Variants in PRTG observed in about 807,000 individuals in gnomAD.
The protein encoded by PRTG is protogenin.
A neutral mutation model predicts 122.5 loss-of-function variants in PRTG; 67 were observed. That is an observed-to-expected ratio of 0.55 (90% CI 0.45 to 0.67). PRTG has a LOEUF of 0.67. Ranked by LOEUF, PRTG falls within the 30% of genes least tolerant of loss-of-function variation. The probability of loss-of-function intolerance (pLI) is 0.00; values close to 1 mark genes in which losing one functional copy is unlikely to be tolerated. For synonymous variants in PRTG, 554 were observed against 501.1 expected, an observed-to-expected ratio of 1.11 and a Z score of -1.41; for missense variants, 1,435 against 1,415.4, an observed-to-expected ratio of 1.01 and a Z score of -0.22.
At position 55,616,797 on chromosome 15, in the gene PRTG, T is replaced by C. The variant is rs939496810; in HGVS notation, c.*3215A>G. ...AATATAATTGTATTGCTTTTAATTA[T>C]GTAAACTTAGCCCTTTGATATTTTT... On this transcript the variant is annotated 3_prime_UTR_variant, in exon 20 of 20. Coordinates refer to ENST00000389286, the MANE Select transcript of PRTG (RefSeq NM_173814.6). 1 of 152,166 alleles carries C rather than the reference T, an allele frequency of 6.6e-6. No individual in the cohort carries two copies. The highest frequency in any genetic ancestry group is 1.5e-5 in the Non-Finnish European group (1 of 67,984). 9.4% of individuals were successfully genotyped at this position (152,166 alleles called of 1,614,324 possible). A position where few individuals can be genotyped will look rare whatever the true frequency, so the allele number is the denominator to read the frequency against.
chr15:55,638,496 C>G, intron 14 of PRTG, 53 bp downstream of exon 14: 1 of 1,419,004 alleles, frequency 7.0e-7, no homozygotes, highest in Non-Finnish European at 9.6e-7. Context: ...ATTTTTAAAA[C>G]ATTTCCTTAA....
In PRTG at chr15:55,615,481, A is replaced by G. The variant is rs1047999130; in HGVS notation, c.*4531T>C. On this transcript the variant is annotated 3_prime_UTR_variant, in exon 20 of 20. Coordinates refer to ENST00000389286, the MANE Select transcript of PRTG (RefSeq NM_173814.6). ...GCCTGTGATCTTATGTCCTGAGCAT[A>G]AATCAACTTAACACAGAACTCTACG... 2 of 152,164 alleles carry G rather than the reference A, an allele frequency of 1.3e-5. No individual in the cohort carries two copies. Among genetic ancestry groups the G allele is most frequent in the African/African-American group, 4.8e-5 (2 of 41,464 alleles). 9.4% of individuals were successfully genotyped at this position (152,164 alleles called of 1,614,324 possible). A position where few individuals can be genotyped will look rare whatever the true frequency, so the allele number is the denominator to read the frequency against.
In PRTG at chr15:55,637,327, T is replaced by C. The variant is rs1216475015; in HGVS notation, c.2466A>G (p.Pro822=). The change falls in exon 15 of 20, where the codon CCA becomes CCG. Residue 822 remains proline (P), a synonymous_variant. Transcript: ENST00000389286. ...HSTLPEAPAG[P]PVGVKVTLIE... Reference sequence around the variant, plus strand: ...TTAATGTCACTTTTACTCCAACTGGTGGGCCTGCTGGTGCTGTGCAGACAC... The same window carrying C: ...TTAATGTCACTTTTACTCCAACTGGCGGGCCTGCTGGTGCTGTGCAGACAC... 6.2e-7 allele frequency: 1 copy of C among 1,612,098 alleles called. No homozygotes were observed. Among genetic ancestry groups the C allele is most frequent in the Non-Finnish European group, 8.5e-7 (1 of 1,179,362 alleles).
Position 55,740,527 on chromosome 15 carries a change from C to G in PRTG, c.252G>C (p.Arg84=), listed in dbSNP as rs2031576149. ...AAGAGCCGTTAGAAAGAACCTCGAT[C>G]CGTTTATTTTCAGACATTTTTGCTC... The part of the protein sequence containing the change: ...KNGAKMSENK[R]IEVLSNGSLY... The change falls in exon 2 of 20, where the codon CGG becomes CGC. Residue 84 remains arginine (R), a synonymous_variant. Coordinates refer to ENST00000389286, the MANE Select transcript of PRTG (RefSeq NM_173814.6). 3 of 1,614,172 alleles carry G rather than the reference C, an allele frequency of 1.9e-6. No homozygotes were observed. The East Asian group carries it at 6.7e-5, about 36-fold the overall frequency.
In PRTG at chr15:55,645,433, C is replaced by CAAAAAAAAAAAAAAAAAAAA. The variant is rs374791424; in HGVS notation, c.2042-4226_2042-4225insTTTTTTTTTTTTTTTTTTTT. Among the ~76,000 whole-genome samples, 155 of 18,750 alleles carry CAAAAAAAAAAAAAAAAAAAA rather than the reference C, an allele frequency of 8.3e-3. 7 individuals are homozygous for CAAAAAAAAAAAAAAAAAAAA. The highest frequency in any genetic ancestry group is 0.016 in the East Asian group (2 of 124). 12.3% of individuals were successfully genotyped at this position (18,750 alleles called of 152,430 possible). A position where few individuals can be genotyped will look rare whatever the true frequency, so the allele number is the denominator to read the frequency against. On this transcript the variant is annotated intron_variant, in intron 11 of 19. Transcript: ENST00000389286. ...TGGGCGACAGAGCGAAACTCCGTCT[C>CAAAAAAAAAAAAAAAAAAAA]AAAAAAAAAAAAAAAAAGAGTGGAA...
At position 55,725,607 on chromosome 15, in the gene PRTG, T is replaced by C. The variant is rs1187421811; in HGVS notation, c.397+14775A>G. Among the ~76,000 whole-genome samples the C allele has an allele frequency of 2.7e-5, 4 of 147,406 alleles. 1 individual carries two copies. The highest frequency in any genetic ancestry group is 5.0e-5 in the African/African-American group (2 of 40,202). ...TGACCCTGTCTCAAAAAAAAAAAAATGGGGTGAAAGACATACAGAAAACAA... is the reference window on the plus strand; with the variant it reads ...TGACCCTGTCTCAAAAAAAAAAAAACGGGGTGAAAGACATACAGAAAACAA... On this transcript the variant is annotated intron_variant, in intron 2 of 19. Coordinates refer to ENST00000389286, the MANE Select transcript of PRTG (RefSeq NM_173814.6).
intron 2 of PRTG, among the ~76,000 whole-genome samples, chr15:55,694,911 T>C (rs2059623826): frequency 6.6e-6 from 1 of 152,188 alleles, no homozygotes; most frequent in East Asian, 1.9e-4. Context: ...CCACAGTCAG[T>C]GTTAACGTAA....
At chr15:55,705,854 CTTTT>C (rs33973404) in intron 2 of PRTG, among the ~76,000 whole-genome samples, 2 of 125,426 alleles carry the variant, frequency 1.6e-5, no homozygotes, top group African/African-American at 5.9e-5. Flanking sequence ...ACTTGCTATT[CTTTT>C]TTTTTTTTTT....
intron 15 of PRTG, among the ~76,000 whole-genome samples, chr15:55,629,395 G>T (rs868827031): frequency 0.046 from 4,988 of 109,358 alleles, 192 homozygotes; most frequent in East Asian, 0.13. Context: ...GTGTGTGTGT[G>T]TGTGTGTGTG....
Position 55,673,440 on chromosome 15 carries a change from T to C in PRTG, c.1783A>G (p.Thr595Ala). The stretch of plus-strand genomic sequence containing the variant: ...GATGACTCTCCCAGCCCCACTCTGG[T>C]GGCAGCAGTAATCCGAACCAGGTAG... ...SVYLVRITAA[T>A]RVGLGESSVW... is the part of the protein sequence containing the mutation. Residue 595 changes from threonine (T) to alanine (A), a missense_variant, in exon 10 of 20, where the codon ACC becomes GCC. Transcript: ENST00000389286. 6.2e-7 allele frequency: 1 copy of C among 1,614,136 alleles called. No individual in the cohort carries two copies. The highest frequency in any genetic ancestry group is 2.2e-5 in the East Asian group (1 of 44,874).
In PRTG at chr15:55,673,362, G is replaced by T. The variant is rs1283893356; in HGVS notation, c.1852+9C>A. On this transcript the variant is annotated intron_variant, in intron 10 of 19. Coordinates refer to ENST00000389286, the MANE Select transcript of PRTG (RefSeq NM_173814.6). Reference sequence around the variant, plus strand: ...TACTGTATTTTCTTAACAGTCTTCAGAAATTCACCTTTCACGCTTGTAGCT... The same window carrying T: ...TACTGTATTTTCTTAACAGTCTTCATAAATTCACCTTTCACGCTTGTAGCT... 6.3e-7 allele frequency: 1 copy of T among 1,596,264 alleles called. No individual in the cohort carries two copies. The highest frequency in any genetic ancestry group is 2.2e-5 in the East Asian group (1 of 44,572).
Position 55,679,356 on chromosome 15 carries a change from A to G in PRTG, c.1063T>C (p.Ser355Pro), listed in dbSNP as rs1446592003. The change falls in exon 7 of 20, where the codon TCT becomes CCT. Residue 355 changes from serine to proline, a missense_variant. By Grantham distance (74) the Ser-to-Pro change is moderately conservative. Coordinates refer to ENST00000389286, the MANE Select transcript of PRTG (RefSeq NM_173814.6). Reference protein sequence around the residue: ...RFVCQAEGIPSPKMSWLKNGR... With the variant: ...RFVCQAEGIPPPKMSWLKNGR... Reference sequence around the variant, plus strand: ...TTTTTCAACCATGACATCTTGGGAGAGGGGATTCCTTCTGCCTGACACACA... The same window carrying G: ...TTTTTCAACCATGACATCTTGGGAGGGGGGATTCCTTCTGCCTGACACACA... 6 of 1,613,062 alleles carry G rather than the reference A, an allele frequency of 3.7e-6. No individual in the cohort carries two copies. The Admixed American group carries it at 8.3e-5, about 22-fold the overall frequency.
Position 55,743,024 on chromosome 15 carries a change from C to A in PRTG, c.-93G>T. The A allele has an allele frequency of 8.2e-6, 11 of 1,334,752 alleles. No individual in the cohort carries two copies. The highest frequency in any genetic ancestry group is 2.0e-5 in the South Asian group (1 of 51,274). The allele number at this position is 1,334,752 out of a possible 1,614,324, so 82.7% of individuals were successfully genotyped here. A position where few individuals can be genotyped will look rare whatever the true frequency, so the allele number is the denominator to read the frequency against. On this transcript the variant is annotated 5_prime_UTR_variant, in exon 1 of 20. Coordinates refer to ENST00000389286, the MANE Select transcript of PRTG (RefSeq NM_173814.6). Reference sequence around the variant, plus strand: ...GGGCGCTCTCTGCTCTGCGGCTGGTCGCACGCAGCCTGGCTCCCCGCTCCG... The same window carrying A: ...GGGCGCTCTCTGCTCTGCGGCTGGTAGCACGCAGCCTGGCTCCCCGCTCCG...
intron 11 of PRTG, among the ~76,000 whole-genome samples, chr15:55,657,963 G>A (rs2059389423): frequency 6.6e-6 from 1 of 152,160 alleles, no homozygotes; most frequent in Admixed American, 6.5e-5. Context: ...GATAAACACT[G>A]TGAACATTAG....
Position 55,680,538 on chromosome 15 carries a change from C to A in PRTG, c.767G>T (p.Cys256Phe), listed in dbSNP as rs188604478. The A allele has an allele frequency of 1.2e-5, 19 of 1,602,118 alleles. No homozygotes were observed. The East Asian group carries it at 4.0e-4, about 34-fold the overall frequency. The change falls in exon 5 of 20, where the codon TGC becomes TTC. Residue 256 changes from cysteine (C) to phenylalanine (F), a missense_variant. By Grantham distance (205) the Cys-to-Phe change is radical (BLOSUM62 -2). Transcript: ENST00000389286. ...TSLHQTVVLECMATGNPKPII... is the reference protein window; with the variant it reads ...TSLHQTVVLEFMATGNPKPII... ...TGGTTTGGGATTTCCTGTGGCCATG[C>A]ATTCCAAAACTACAGTCTGATGAAG...
chr15:55,678,382 C>T (rs147412268), intron 7 of PRTG, among the ~76,000 whole-genome samples: 7 of 152,158 alleles, frequency 4.6e-5, no homozygotes, highest in African/African-American at 1.7e-4. Flanking sequence ...CCTGAGTAGC[C>T]GGGACTCCAG....
In PRTG at chr15:55,725,636, G is replaced by A. The variant is rs2031003534; in HGVS notation, c.397+14746C>T. Among the ~76,000 whole-genome samples the A allele has an allele frequency of 3.3e-5, 5 of 151,768 alleles. No homozygotes were observed. In the South Asian group the frequency reaches 1.0e-3, roughly 32 times the overall value. On this transcript the variant is annotated intron_variant, in intron 2 of 19. Coordinates refer to ENST00000389286, the MANE Select transcript of PRTG (RefSeq NM_173814.6). ...GTGAAAGACATACAGAAAACAAACA[G>A]CAAAATGGCAGAAGTCCTTCCTTAT...
At chr15:55,691,041 C>A (rs1196930609) in intron 2 of PRTG, among the ~76,000 whole-genome samples, 1 of 152,158 alleles carries the variant, frequency 6.6e-6, no homozygotes, top group Non-Finnish European at 1.5e-5. Context: ...GGCGCAGTGG[C>A]TCACACCCGT....
chr15:55,616,323 C>T lies in PRTG; in HGVS notation c.*3689G>A, dbSNP rs1242353776. The T allele has an allele frequency of 6.6e-6, 1 of 152,092 alleles. No homozygotes were observed. The highest frequency in any genetic ancestry group is 1.5e-5 in the Non-Finnish European group (1 of 67,984). The allele number at this position is 152,092 out of a possible 1,614,324, so 9.4% of individuals were successfully genotyped here. A position where few individuals can be genotyped will look rare whatever the true frequency, so the allele number is the denominator to read the frequency against. Reference sequence around the variant, plus strand: ...AAAGCATAGCCCACTTAAAGAATGACATGATTTGTTTGCCTCTTACATCCT... The same window carrying T: ...AAAGCATAGCCCACTTAAAGAATGATATGATTTGTTTGCCTCTTACATCCT... On this transcript the variant is annotated 3_prime_UTR_variant, in exon 20 of 20. Coordinates refer to ENST00000389286, the MANE Select transcript of PRTG (RefSeq NM_173814.6).
Sources: gnomAD v4.1 joint callset for allele counts (sites outside exome capture counted in the v4.1 genomes callset) on GRCh38, gnomAD v4.1.1 for gene constraint, MANE v1.5 for transcripts, NCBI Gene and HGNC (gene_info 2026-07-23, HGNC 2026-07-21) for gene names.